ANKRD30BL: variants seen among roughly 807,000 people sequenced by gnomAD.
ANKRD30BL encodes the protein ankyrin repeat domain 30B like.
A neutral mutation model predicts 18.4 loss-of-function variants in ANKRD30BL; 20 were observed. The ratio of observed to expected loss-of-function variants is 1.09; its 90% CI spans 0.77 to 1.58. The LOEUF (loss-of-function observed/expected upper bound fraction) is 1.58, where lower values mean the gene tolerates loss of function less well. Ranked by LOEUF, ANKRD30BL falls within the 40% of genes most tolerant of loss-of-function variation. ANKRD30BL has a pLI of 0.00. For synonymous variants in ANKRD30BL, 72 were observed against 100.9 expected, an observed-to-expected ratio of 0.71 and a Z score of 1.72; for missense variants, 224 against 268.6, an observed-to-expected ratio of 0.83 and a Z score of 1.16.
At chr2:132,191,580 T>C (rs1678850245) in intron 1 of ANKRD30BL, among the ~76,000 whole-genome samples, 1 of 152,108 alleles carries the variant, frequency 6.6e-6, no homozygotes, top group Admixed American at 6.6e-5. Flanking sequence ...TTCTGTGCAG[T>C]GTTATTGCAT....
chr2:132,201,145 C>T (rs1489277168), intron 1 of ANKRD30BL, among the ~76,000 whole-genome samples: 1 of 152,024 alleles, frequency 6.6e-6, no homozygotes, highest in Non-Finnish European at 1.5e-5. Flanking sequence ...AAAATCAATT[C>T]AAGATGTATT....
intron 1 of ANKRD30BL, among the ~76,000 whole-genome samples, chr2:132,184,659 T>G (rs551491699): frequency 6.0e-4 from 92 of 152,306 alleles, no homozygotes; most frequent in African/African-American, 2.2e-3. Flanking sequence ...ATGTGTAAAA[T>G]GCATATTCAT....
chr2:132,170,133 C>G (rs557780519), intron 1 of ANKRD30BL, among the ~76,000 whole-genome samples: 1 of 152,094 alleles, frequency 6.6e-6, no homozygotes, highest in Admixed American at 6.5e-5. Context: ...TGTCTAATTT[C>G]TATTTTTCTC....
chr2:132,186,976 A>T (rs1008625033), intron 1 of ANKRD30BL, among the ~76,000 whole-genome samples: 5 of 151,986 alleles, frequency 3.3e-5, no homozygotes, highest in African/African-American at 1.2e-4. Context: ...GAAAATTGTC[A>T]TCCCATACTC....
intron 1 of ANKRD30BL, among the ~76,000 whole-genome samples, chr2:132,235,340 C>A (rs1384417881): frequency 6.6e-6 from 1 of 152,044 alleles, no homozygotes; most frequent in Non-Finnish European, 1.5e-5. Context: ...CTGACCAGGG[C>A]AACTAGGCAG....
At chr2:132,254,100 C>G (rs531297727) in intron 1 of ANKRD30BL, among the ~76,000 whole-genome samples, 1 of 151,908 alleles carries the variant, frequency 6.6e-6, no homozygotes, top group Non-Finnish European at 1.5e-5. Flanking sequence ...CAGCAGGGGA[C>G]TGCTCCCCAC....
At chr2:132,157,741 G>A (rs761172559) in intron 1 of ANKRD30BL, among the ~76,000 whole-genome samples, 1 of 152,136 alleles carries the variant, frequency 6.6e-6, no homozygotes, top group Non-Finnish European at 1.5e-5. Context: ...AAGTGAAGAT[G>A]AATACAGTAG....
intron 1 of ANKRD30BL, among the ~76,000 whole-genome samples, chr2:132,221,487 C>T (rs1338733272): frequency 7.8e-6 from 1 of 128,804 alleles, no homozygotes; most frequent in African/African-American, 3.6e-5. Context: ...CCTGGCCGCC[C>T]CTACTGGGAA....
At chr2:132,222,491 G>A (rs1017415053) in intron 1 of ANKRD30BL, among the ~76,000 whole-genome samples, 73 of 152,176 alleles carry the variant, frequency 4.8e-4, no homozygotes, top group African/African-American at 1.7e-3. Flanking sequence ...TTCTGTACTG[G>A]GAAAAATTCT....
Position 132,222,658 on chromosome 2 carries a change from A to G in ANKRD30BL, n.441+34871T>C, listed in dbSNP as rs552310321. Among the ~76,000 whole-genome samples, 238 of 151,844 alleles carry G rather than the reference A, an allele frequency of 1.6e-3. 1 individual carries two copies. The highest frequency in any genetic ancestry group is 5.4e-3 in the African/African-American group (223 of 41,372). The stretch of plus-strand genomic sequence containing the variant: ...GGCAGCATGCTCATTAAGAGTCATC[A>G]CCACTCCCTAATCTTAAGTACCCAG... On this transcript the variant is annotated intron_variant and non_coding_transcript_variant, in intron 1 of 4. Transcript: ENST00000470729.
intron 1 of ANKRD30BL, among the ~76,000 whole-genome samples, chr2:132,238,465 GA>G (rs1680222675): frequency 6.6e-6 from 1 of 152,038 alleles, no homozygotes; most frequent in South Asian, 2.1e-4. Context: ...AAACAAGACA[GA>G]AGCATTCTCA....
intron 1 of ANKRD30BL, among the ~76,000 whole-genome samples, chr2:132,220,242 C>A (rs375396097): frequency 1.8e-4 from 27 of 151,640 alleles, no homozygotes; most frequent in Non-Finnish European, 2.9e-4. Flanking sequence ...AGTGTTGAAC[C>A]TTTCTTTTGA....
At chr2:132,188,201 A>C (rs1678745614) in intron 1 of ANKRD30BL, among the ~76,000 whole-genome samples, 1 of 152,202 alleles carries the variant, frequency 6.6e-6, no homozygotes, top group South Asian at 2.1e-4. Context: ...GAGCATCTAC[A>C]CCATGGCAAA....
chr2:132,191,151 T>C (rs923664395), intron 1 of ANKRD30BL, among the ~76,000 whole-genome samples: 6 of 152,222 alleles, frequency 3.9e-5, no homozygotes, highest in African/African-American at 1.4e-4. Flanking sequence ...CCACTATAAA[T>C]TCAGTTTCTA....
intron 1 of ANKRD30BL, among the ~76,000 whole-genome samples, chr2:132,187,165 G>GTTTTTTTTTTTTTTTTTTTTTTTTTTT (rs1553472036): frequency 8.2e-6 from 1 of 122,282 alleles, no homozygotes; most frequent in African/African-American, 3.3e-5. Flanking sequence ...ATCGTAGGAA[G>GTTTTTTTTTTTTTTTTTTTTTTTTTTT]TTTTTTGTTT....
chr2:132,221,644 G>C (rs545186659), intron 1 of ANKRD30BL, among the ~76,000 whole-genome samples: 22 of 123,218 alleles, frequency 1.8e-4, no homozygotes, highest in South Asian at 1.8e-3. Flanking sequence ...GAGGGAGGTG[G>C]GGGGTTCAGC....
chr2:132,182,868 C>T (rs1032718404), intron 1 of ANKRD30BL, among the ~76,000 whole-genome samples: 33 of 152,018 alleles, frequency 2.2e-4, no homozygotes, highest in African/African-American at 7.7e-4. Flanking sequence ...GAGTGAATGA[C>T]ATAGAACCCC....
intron 4 of ANKRD30BL, chr2:132,153,727 G>T (rs1293161688): frequency 6.5e-6 from 7 of 1,073,184 alleles, no homozygotes; most frequent in Non-Finnish European, 7.9e-6. Context: ...TCATTATTAG[G>T]AACGAACGAA....
chr2:132,245,201 C>T (rs1680462383), intron 1 of ANKRD30BL, among the ~76,000 whole-genome samples: 1 of 152,284 alleles, frequency 6.6e-6, no homozygotes, highest in African/African-American at 2.4e-5. Flanking sequence ...AGATTGGAAA[C>T]AGTCTTTTTG....
Sources: allele counts gnomAD v4.1 joint callset (sites outside exome capture counted in the v4.1 genomes callset), GRCh38; gene constraint gnomAD v4.1.1; transcripts MANE v1.5; gene names NCBI Gene and HGNC (gene_info 2026-07-23, HGNC 2026-07-21).